The following BRINP1 variants were observed in gnomAD, a reference collection of about 807,000 sequenced individuals.
The protein encoded by BRINP1 is BMP/retinoic acid inducible neural specific 1, also known as BMP/retinoic acid-inducible neural-specific protein 1.
BRINP1 carries 17 observed loss-of-function variants against 72.9 expected under a neutral mutation model. That is an observed-to-expected ratio of 0.23 (90% CI 0.16 to 0.35). BRINP1 has a LOEUF of 0.35. Among genes scored for constraint, BRINP1 ranks in the 10% least tolerant of loss-of-function variants. The probability of loss-of-function intolerance (pLI) is 1.00; values close to 1 mark genes in which losing one functional copy is unlikely to be tolerated. For synonymous variants in BRINP1, 418 were observed against 378.5 expected (o/e 1.10, Z -1.21); for missense variants, 850 against 1,001.6 (o/e 0.85, Z 2.04).
At chr9:119,238,513 C>A in intron 5 of BRINP1, 142 bp downstream of exon 5, 1 of 557,942 alleles carries the variant, frequency 1.8e-6, no homozygotes, top group East Asian at 3.1e-5. Context: ...TGTCTAATTT[C>A]CATATTTGCA....
intron 2 of BRINP1, among the ~76,000 whole-genome samples, chr9:119,266,464 C>T (rs1417320496): frequency 1.3e-5 from 2 of 152,188 alleles, no homozygotes. Flanking sequence ...TCAAATCAAG[C>T]TAATGAATAT....
At chr9:119,204,786 A>G (rs1829836537) in intron 7 of BRINP1, among the ~76,000 whole-genome samples, 1 of 152,216 alleles carries the variant, frequency 6.6e-6, no homozygotes. Flanking sequence ...TTCACAAATG[A>G]GGTGCAGGAC....
chr9:119,268,013 C>G lies in BRINP1; in HGVS notation c.219-18863G>C, dbSNP rs377487767. On this transcript the variant is annotated intron_variant, in intron 2 of 7. Transcript: ENST00000265922. The stretch of plus-strand genomic sequence containing the variant: ...ATCCCAGCACTTTGGGAGGCCGAGA[C>G]AGGTGGATCACCTGGGGTTAGGAGT... Among the ~76,000 whole-genome samples the G allele has an allele frequency of 2.3e-4, 35 of 152,246 alleles. No individual in the cohort carries two copies. In the East Asian group the frequency reaches 2.5e-3, roughly 11 times the overall value.
intron 1 of BRINP1, among the ~76,000 whole-genome samples, chr9:119,345,982 C>G (rs1831447575): frequency 6.6e-6 from 1 of 152,114 alleles, no homozygotes; most frequent in Non-Finnish European, 1.5e-5. Flanking sequence ...AGAGGGGAAG[C>G]CTGAGCTCAC....
intron 7 of BRINP1, among the ~76,000 whole-genome samples, chr9:119,187,630 A>G (rs1829638273): frequency 6.6e-6 from 1 of 152,206 alleles, no homozygotes; most frequent in South Asian, 2.1e-4. Flanking sequence ...GCACAGATAT[A>G]AACATAAGGA....
In BRINP1 at chr9:119,167,426, G is replaced by C; in HGVS notation, c.1944C>G (p.Phe648Leu). 6.2e-7 allele frequency: 1 copy of C among 1,614,068 alleles called. No individual in the cohort carries two copies. Among genetic ancestry groups the C allele is most frequent in the Non-Finnish European group, 8.5e-7 (1 of 1,179,984 alleles). Residue 648 changes from phenylalanine (F) to leucine (L), a missense_variant, in exon 8 of 8, where the codon TTC becomes TTG. Phe to Leu is a conservative substitution (Grantham distance 22). Coordinates refer to ENST00000265922, the MANE Select transcript of BRINP1 (RefSeq NM_014618.3). The surrounding 1 kb of genome is among the most constrained non-coding windows in gnomAD (Gnocchi z 4.3). ...CCTGCACGTCTGAGATCTTGATGTA[G>C]AACTGCCTCTTGGAGGGATCCGACA... The part of the protein sequence containing the change: ...VDLSDPSKRQ[F>L]YIKISDVQVF...
chr9:119,294,120 C>T (rs1830850553), intron 2 of BRINP1, among the ~76,000 whole-genome samples: 2 of 151,968 alleles, frequency 1.3e-5, no homozygotes, highest in Middle Eastern at 3.2e-3. Flanking sequence ...AAAAATAATG[C>T]TAACAATGAA....
intron 1 of BRINP1, among the ~76,000 whole-genome samples, chr9:119,343,822 T>C (rs1831426522): frequency 6.6e-6 from 1 of 152,186 alleles, no homozygotes; most frequent in African/African-American, 2.4e-5. Flanking sequence ...TCAGATTTCA[T>C]TGCGCCACTC....
intron 7 of BRINP1, among the ~76,000 whole-genome samples, chr9:119,205,370 G>A (rs925953083): frequency 2.6e-5 from 4 of 152,138 alleles, no homozygotes; most frequent in African/African-American, 9.7e-5. Context: ...GATGATTAGG[G>A]CAGGTTTTCT....
chr9:119,170,075 T>TCTC (rs1349331820), intron 7 of BRINP1, among the ~76,000 whole-genome samples: 1 of 151,942 alleles, frequency 6.6e-6, no homozygotes, highest in African/African-American at 2.4e-5. Context: ...GCAGAGCGCC[T>TCTC]CTCCTCCTCC....
chr9:119,267,807 CAGAT>C (rs559299627), intron 2 of BRINP1, among the ~76,000 whole-genome samples: 1 of 152,032 alleles, frequency 6.6e-6, no homozygotes, highest in Non-Finnish European at 1.5e-5. Context: ...ACCATAGGCA[CAGAT>C]AGATAGAGAA....
At chr9:119,329,759 C>T (rs1322624206) in intron 1 of BRINP1, among the ~76,000 whole-genome samples, 1 of 152,138 alleles carries the variant, frequency 6.6e-6, no homozygotes, top group Admixed American at 6.5e-5. Context: ...ATTCACTGAG[C>T]CCTCAAAACA....
rs759476190 is a variant in BRINP1 at position 119,168,131 on chromosome 9, G to A, written c.1239C>T (p.Cys413=). Residue 413 remains cysteine, a synonymous_variant, in exon 8 of 8, where the codon TGC becomes TGT. Coordinates refer to ENST00000265922, the MANE Select transcript of BRINP1 (RefSeq NM_014618.3). Reference sequence around the variant, plus strand: ...ACAGCGTGGTGCTGCCGTGGCACACGCAGCTCCGCTGGCTCTCCAGGAAGG... The same window carrying A: ...ACAGCGTGGTGCTGCCGTGGCACACACAGCTCCGCTGGCTCTCCAGGAAGG... The part of the protein sequence containing the change: ...WGTFLESQRS[C]VCHGSTTLCQ... 50 of 1,604,046 alleles carry A rather than the reference G, an allele frequency of 3.1e-5. No individual in the cohort carries two copies. The highest frequency in any genetic ancestry group is 4.0e-5 in the Non-Finnish European group (47 of 1,173,800).
chr9:119,173,519 G>C (rs1022403255), intron 7 of BRINP1, among the ~76,000 whole-genome samples: 14 of 152,202 alleles, frequency 9.2e-5, no homozygotes, highest in African/African-American at 3.1e-4. Flanking sequence ...CATGCTCATG[G>C]GTAGGAAGAA....
intron 1 of BRINP1, among the ~76,000 whole-genome samples, chr9:119,360,372 T>C (rs988038883): frequency 1.3e-5 from 2 of 152,154 alleles, no homozygotes; most frequent in African/African-American, 4.8e-5. Flanking sequence ...GGTCCTTCCT[T>C]TATCATGCGC....
At chr9:119,298,471 C>T (rs1830904264) in intron 2 of BRINP1, among the ~76,000 whole-genome samples, 1 of 151,542 alleles carries the variant, frequency 6.6e-6, no homozygotes, top group African/African-American at 2.4e-5. Flanking sequence ...TTGAGATTTC[C>T]CCCACCCCTC....
chr9:119,311,822 C>T (rs752011939), intron 2 of BRINP1, among the ~76,000 whole-genome samples: 2 of 152,154 alleles, frequency 1.3e-5, no homozygotes, highest in Non-Finnish European at 2.9e-5. Context: ...TGCAACACTC[C>T]ACATTTGGAA....
intron 7 of BRINP1, among the ~76,000 whole-genome samples, chr9:119,189,168 A>T (rs1402689093): frequency 1.3e-5 from 2 of 152,150 alleles, no homozygotes; most frequent in Non-Finnish European, 2.9e-5. Context: ...AAAGAAAAAA[A>T]ATATTACAGA....
chr9:119,295,396 A>G (rs1588195153), intron 2 of BRINP1, among the ~76,000 whole-genome samples: 1 of 152,262 alleles, frequency 6.6e-6, no homozygotes, highest in Non-Finnish European at 1.5e-5. Context: ...AACCTAGATG[A>G]TATATCCTAC....
Sources: allele counts gnomAD v4.1 joint callset (sites outside exome capture counted in the v4.1 genomes callset), GRCh38; gene constraint gnomAD v4.1.1; non-coding constraint Gnocchi (gnomAD v3.1); transcripts MANE v1.5; gene names NCBI Gene and HGNC (gene_info 2026-07-23, HGNC 2026-07-21).